Variants in PRKAG2 observed in about 807,000 individuals in gnomAD.
PRKAG2 encodes 5'-AMP-activated protein kinase subunit gamma-2.
PRKAG2 carries 26 observed loss-of-function variants against 69.6 expected under a neutral mutation model. The ratio of observed to expected loss-of-function variants is 0.37; its 90% CI spans 0.27 to 0.52. The LOEUF is 0.52. PRKAG2 is among the 20% of genes least tolerant of loss of function. PRKAG2 has a pLI of 0.90. For missense variants in PRKAG2, 557 were observed against 740.0 expected, an observed-to-expected ratio of 0.75 and a Z score of 2.87; for synonymous variants, 293 against 285.0, an observed-to-expected ratio of 1.03 and a Z score of -0.28.
chr7:151,784,188 C>T lies in PRKAG2; in HGVS notation c.186+2282G>A, dbSNP rs118189470. Among the ~76,000 whole-genome samples the T allele has an allele frequency of 1.8e-3, 267 of 152,166 alleles. 2 individuals are homozygous for T. The East Asian group carries it at 0.041, about 23-fold the overall frequency. ...CGACAGCAGCCTCGAGGGTGTGAAC[C>T]GGAAGAGGAGCCGAGGCCACATGGG... On this transcript the variant is annotated intron_variant, in intron 2 of 15. Transcript: ENST00000287878.
chr7:151,570,321 TAGAA>T, intron 9 of PRKAG2, 96 bp from the exon 10 acceptor site: 1 of 1,352,714 alleles, frequency 7.4e-7, no homozygotes, highest in Non-Finnish European at 1.0e-6. Flanking sequence ...GGTTAATAGT[TAGAA>T]GGATTAAAAA....
intron 5 of PRKAG2, among the ~76,000 whole-genome samples, chr7:151,595,758 A>G (rs747320641): frequency 2.0e-5 from 3 of 152,264 alleles, no homozygotes; most frequent in Non-Finnish European, 4.4e-5. Flanking sequence ...CAAAGAATCT[A>G]GAAAAAGTTC....
At chr7:151,757,146 G>A (rs1011714367) in intron 3 of PRKAG2, among the ~76,000 whole-genome samples, 1 of 152,162 alleles carries the variant, frequency 6.6e-6, no homozygotes, top group Non-Finnish European at 1.5e-5. Flanking sequence ...AGCCCCGGGA[G>A]CCCTTGGGAT....
At chr7:151,578,548 T>C (rs1372182845) in intron 6 of PRKAG2, among the ~76,000 whole-genome samples, 2 of 152,242 alleles carry the variant, frequency 1.3e-5, no homozygotes, top group East Asian at 1.9e-4. Flanking sequence ...TAGGGACTAC[T>C]GGTGCGTTGA....
At chr7:151,573,160 GTT>G (rs770975155) in intron 8 of PRKAG2, among the ~76,000 whole-genome samples, 13 of 139,818 alleles carry the variant, frequency 9.3e-5, no homozygotes, top group Non-Finnish European at 1.1e-4. Flanking sequence ...TGTATCTCAA[GTT>G]TTTTTTTTTT....
chr7:151,701,203 C>T (rs1837634140), intron 3 of PRKAG2, among the ~76,000 whole-genome samples: 1 of 152,206 alleles, frequency 6.6e-6, no homozygotes, highest in Admixed American at 6.5e-5. Flanking sequence ...TGAACAGAAA[C>T]ACTAAATTAG....
chr7:151,570,917 G>A (rs1430770366), intron 9 of PRKAG2, among the ~76,000 whole-genome samples: 3 of 151,586 alleles, frequency 2.0e-5, no homozygotes, highest in Non-Finnish European at 4.4e-5. Flanking sequence ...AAAGGTGCAC[G>A]TCACCACACC....
intron 3 of PRKAG2, among the ~76,000 whole-genome samples, chr7:151,707,599 G>C (rs1838844601): frequency 6.6e-6 from 1 of 152,238 alleles, no homozygotes; most frequent in South Asian, 2.1e-4. Context: ...CTCTGGTGGG[G>C]TGCTCCCGAA....
At chr7:151,822,254 C>T (rs779686081) in intron 1 of PRKAG2, among the ~76,000 whole-genome samples, 83 of 152,090 alleles carry the variant, frequency 5.5e-4, no homozygotes, top group African/African-American at 1.6e-3. Flanking sequence ...TAGGAGGCCT[C>T]GAGCCCAGGA....
rs887934511 is a variant in PRKAG2, at chr7:151,635,570, G to T, written c.685-3432C>A. Among the ~76,000 whole-genome samples the T allele has an allele frequency of 6.0e-5, 9 of 150,192 alleles. No homozygotes were observed. In the East Asian group the frequency reaches 9.7e-4, roughly 16 times the overall value. ...ATAGATCTCCAGGGAATTATGCTGA[G>T]GGGGAAAAAGCCAGTCCTAAAACGT... On this transcript the variant is annotated intron_variant, in intron 4 of 15. Coordinates refer to ENST00000287878, the MANE Select transcript of PRKAG2 (RefSeq NM_016203.4).
At chr7:151,773,019 AAGAAAGAGAGAG>A (rs1465677513) in intron 3 of PRKAG2, among the ~76,000 whole-genome samples, 5 of 23,540 alleles carry the variant, frequency 2.1e-4, no homozygotes, top group Admixed American at 4.5e-4. Context: ...GAAAGAAAGA[AAGAAAGAGAGAG>A]AGAGAGAGAG....
At chr7:151,867,717 G>C (rs921579126) in intron 1 of PRKAG2, among the ~76,000 whole-genome samples, 1 of 152,144 alleles carries the variant, frequency 6.6e-6, no homozygotes, top group Non-Finnish European at 1.5e-5. Flanking sequence ...TCGACACCCA[G>C]CCCAGTCCCT....
At position 151,560,514 on chromosome 7, in the gene PRKAG2, A is replaced by G. The variant is rs369965019; in HGVS notation, c.1678+10T>C. ...ACGCCGATGGCAAAGGTCAGAAACC[A>G]GCATTTTACCTGCTGGTGTGAGGAT... On this transcript the variant is annotated intron_variant, in intron 15 of 15. Coordinates refer to ENST00000287878, the MANE Select transcript of PRKAG2 (RefSeq NM_016203.4). 27 of 1,614,044 alleles carry G rather than the reference A, an allele frequency of 1.7e-5. No homozygotes were observed. In the African/African-American group the frequency reaches 2.8e-4, roughly 17 times the overall value.
At chr7:151,657,494 G>A (rs996618854) in intron 4 of PRKAG2, among the ~76,000 whole-genome samples, 1 of 152,190 alleles carries the variant, frequency 6.6e-6, no homozygotes, top group Admixed American at 6.5e-5. Context: ...AAAATGAAAA[G>A]AACATGGATT....
chr7:151,725,496 G>A (rs1797796339), intron 3 of PRKAG2, among the ~76,000 whole-genome samples: 2 of 151,296 alleles, frequency 1.3e-5, no homozygotes, highest in Non-Finnish European at 2.9e-5. Flanking sequence ...TAATGCTACT[G>A]AGCTGTACAC....
chr7:151,687,955 T>C (rs941133475), intron 3 of PRKAG2, among the ~76,000 whole-genome samples: 1 of 142,040 alleles, frequency 7.0e-6, no homozygotes, highest in African/African-American at 2.6e-5. Context: ...CAAGGGTGTA[T>C]AGGGTGGAGC....
rs1368246365 is a variant in PRKAG2 at position 151,632,532 on chromosome 7, C to T, written c.685-394G>A. 1 of 976,906 alleles carries T rather than the reference C, an allele frequency of 1.0e-6. No individual in the cohort carries two copies. The highest frequency in any genetic ancestry group is 1.2e-6 in the Non-Finnish European group (1 of 822,806). The allele number at this position is 976,906 out of a possible 1,614,324, so 60.5% of individuals were successfully genotyped here. A position where few individuals can be genotyped will look rare whatever the true frequency, so the allele number is the denominator to read the frequency against. ...CCGCCGTGCCGCCATTGGGAGAGGCCCGCGGCCCGCCCCCACTCCGCCCCC... is the reference window on the plus strand; with the variant it reads ...CCGCCGTGCCGCCATTGGGAGAGGCTCGCGGCCCGCCCCCACTCCGCCCCC... On this transcript the variant is annotated intron_variant, in intron 4 of 15. Transcript: ENST00000287878. This position sits in a 1 kb window ranked among gnomAD's most constrained non-coding sequence, Gnocchi z 4.2.
At chr7:151,833,708 G>A (rs928503482) in intron 1 of PRKAG2, among the ~76,000 whole-genome samples, 7 of 152,238 alleles carry the variant, frequency 4.6e-5, no homozygotes, top group Non-Finnish European at 1.0e-4. Context: ...CACTTCCCCT[G>A]TGATTAACAC....
intron 3 of PRKAG2, among the ~76,000 whole-genome samples, chr7:151,677,441 C>G (rs1267074041): frequency 2.6e-5 from 4 of 152,210 alleles, no homozygotes; most frequent in African/African-American, 4.8e-5. Flanking sequence ...ATCTGCCTGC[C>G]CCGGCCTCCC....
Sources: allele counts gnomAD v4.1 joint callset (sites outside exome capture counted in the v4.1 genomes callset), GRCh38; gene constraint gnomAD v4.1.1; non-coding constraint Gnocchi (gnomAD v3.1); transcripts MANE v1.5; gene names NCBI Gene and HGNC (gene_info 2026-07-23, HGNC 2026-07-21).